Variants in ATP11B observed in about 807,000 individuals in gnomAD.
The protein encoded by ATP11B is ATPase phospholipid transporting 11B (putative).
Under a neutral mutation model 157.8 loss-of-function variants are expected in ATP11B, and 81 were observed. That is an observed-to-expected ratio of 0.51 (90% CI 0.43 to 0.62). The LOEUF is 0.62. Among genes scored for constraint, ATP11B ranks in the 20% least tolerant of loss-of-function variants. The pLI is 0.00. For missense variants in ATP11B, 1,165 were observed against 1,402.2 expected, an observed-to-expected ratio of 0.83 and a Z score of 2.70; for synonymous variants, 451 against 469.4, an observed-to-expected ratio of 0.96 and a Z score of 0.51.
chr3:182,917,024 C>T (rs1278470046), intron 29 of ATP11B: 1 of 985,156 alleles, frequency 1.0e-6, no homozygotes, highest in East Asian at 1.1e-4. Flanking sequence ...CAAGTCCTTC[C>T]CTAACCTAAG....
chr3:182,840,102 C>A (rs1043236579), intron 7 of ATP11B, among the ~76,000 whole-genome samples: 10 of 152,140 alleles, frequency 6.6e-5, no homozygotes, highest in African/African-American at 2.4e-4. Context: ...ATACTTGACT[C>A]CTTTCGTTGT....
intron 24 of ATP11B, 43 bp downstream of exon 24, chr3:182,887,756 A>G: frequency 1.3e-6 from 2 of 1,572,218 alleles, no homozygotes; most frequent in East Asian, 4.6e-5. Flanking sequence ...AGTTTTTTTA[A>G]GTAAAAAATA....
intron 1 of ATP11B, 58 bp downstream of exon 1, chr3:182,793,844 G>C (rs1296470370): frequency 1.7e-6 from 2 of 1,152,164 alleles, no homozygotes; most frequent in Non-Finnish European, 2.2e-6. Flanking sequence ...CTCTCGGCCC[G>C]GGGTGGCGGG....
At chr3:182,798,534 AC>A (rs1715776655) in intron 1 of ATP11B, among the ~76,000 whole-genome samples, 1 of 152,254 alleles carries the variant, frequency 6.6e-6, no homozygotes, top group Non-Finnish European at 1.5e-5. Flanking sequence ...ATTCTTAGAT[AC>A]GCAGTTTTGC....
Position 182,887,622 on chromosome 3 carries a change from A to C in ATP11B, c.2752A>C (p.Ile918Leu). 6.2e-7 allele frequency: 1 copy of C among 1,612,456 alleles called. No homozygotes were observed. Among genetic ancestry groups the C allele is most frequent in the Non-Finnish European group, 8.5e-7 (1 of 1,179,378 alleles). The stretch of plus-strand genomic sequence containing the variant: ...CAGCGTGTACCTGACTTTATACAAT[A>C]TTTGTTTTACTTCCCTACCTATTCT... ...YDSVYLTLYN[I>L]CFTSLPILIY... The change falls in exon 24 of 30, where the codon ATT becomes CTT. Residue 918 changes from isoleucine to leucine, a missense_variant. Physicochemically the swap from Ile to Leu is conservative, Grantham distance 5. This residue lies in a region of ATP11B where 737 missense variants were observed against 930.5 expected (regional missense o/e 0.79). Coordinates refer to ENST00000323116, the MANE Select transcript of ATP11B (RefSeq NM_014616.3).
At chr3:182,876,177 AG>A (rs1722027365) in intron 19 of ATP11B, among the ~76,000 whole-genome samples, 3 of 152,182 alleles carry the variant, frequency 2.0e-5, no homozygotes, top group Non-Finnish European at 2.9e-5. Flanking sequence ...CAGAAGTTCA[AG>A]GCTACAGTGA....
intron 1 of ATP11B, among the ~76,000 whole-genome samples, chr3:182,805,561 T>G (rs182357552): frequency 9.9e-4 from 150 of 152,014 alleles, no homozygotes; most frequent in Non-Finnish European, 1.8e-3. Flanking sequence ...TTGAAGTGAT[T>G]CTCCTGCCTC....
chr3:182,831,251 G>A lies in ATP11B; in HGVS notation c.315+1499G>A, dbSNP rs531066534. Among the ~76,000 whole-genome samples the A allele has an allele frequency of 2.6e-5, 4 of 152,092 alleles. No homozygotes were observed. The South Asian group carries it at 6.2e-4, about 24-fold the overall frequency. On this transcript the variant is annotated intron_variant, in intron 4 of 29. Transcript: ENST00000323116. The stretch of plus-strand genomic sequence containing the variant: ...TAAATGGCACTACCATCCAACCACC[G>A]CAAGCCTTGACATCATCATCCTTTG...
At chr3:182,825,269 T>C (rs1337893886) in intron 2 of ATP11B, among the ~76,000 whole-genome samples, 1 of 152,202 alleles carries the variant, frequency 6.6e-6, no homozygotes, top group Non-Finnish European at 1.5e-5. Context: ...TTTCATACAC[T>C]TTACCTTTGA....
intron 1 of ATP11B, among the ~76,000 whole-genome samples, chr3:182,812,259 C>A (rs528450731): frequency 6.6e-6 from 1 of 152,216 alleles, no homozygotes; most frequent in East Asian, 1.9e-4. Flanking sequence ...TGCTGATATA[C>A]CAAGGAGGAT....
chr3:182,817,083 TTGAA>T (rs1474312192), intron 1 of ATP11B, among the ~76,000 whole-genome samples: 1 of 152,090 alleles, frequency 6.6e-6, no homozygotes, highest in Non-Finnish European at 1.5e-5. Flanking sequence ...TATAATATGA[TTGAA>T]TGAGATTATG....
rs558975275 is a variant in ATP11B, at chr3:182,803,450, C to T, written c.27+9664C>T. ...GTTGTAAATATCTTCTAGTCTGTTC[C>T]GTGTATTTAATTTAGTTTATGGTAT... is the stretch of plus-strand genomic sequence containing the variant. On this transcript the variant is annotated intron_variant, in intron 1 of 29. Transcript: ENST00000323116. 4.6e-5 allele frequency among the ~76,000 whole-genome samples: 7 copies of T among 152,112 alleles called. No homozygotes were observed. The East Asian group carries it at 9.6e-4, about 21-fold the overall frequency.
At chr3:182,855,604 G>C (rs945791365) in intron 10 of ATP11B, among the ~76,000 whole-genome samples, 3 of 152,042 alleles carry the variant, frequency 2.0e-5, no homozygotes, top group African/African-American at 7.2e-5. Flanking sequence ...TACAGACTGG[G>C]GAAAAATACT....
chr3:182,829,793 T>G (rs1717991247), intron 4 of ATP11B, 41 bp downstream of exon 4: 3 of 1,479,128 alleles, frequency 2.0e-6, no homozygotes, highest in East Asian at 2.3e-5. Context: ...TCTAAGTCAT[T>G]TAGAAGTTGC....
chr3:182,886,544 G>A (rs1722803755), intron 23 of ATP11B, among the ~76,000 whole-genome samples: 1 of 152,130 alleles, frequency 6.6e-6, no homozygotes, highest in African/African-American at 2.4e-5. Flanking sequence ...GTTGTAATGG[G>A]CACAAGGTGG....
chr3:182,890,353 A>C (rs781130799), intron 25 of ATP11B, among the ~76,000 whole-genome samples: 10 of 152,210 alleles, frequency 6.6e-5, no homozygotes, highest in Admixed American at 1.3e-4. Context: ...ATACAGACAT[A>C]CAAATTTGCA....
chr3:182,815,955 G>C (rs527324154), intron 1 of ATP11B, among the ~76,000 whole-genome samples: 1 of 152,228 alleles, frequency 6.6e-6, no homozygotes, highest in Non-Finnish European at 1.5e-5. Flanking sequence ...AATTGATATA[G>C]CTGTTTGCTG....
intron 1 of ATP11B, among the ~76,000 whole-genome samples, chr3:182,798,650 A>G (rs953392479): frequency 1.3e-5 from 2 of 152,238 alleles, no homozygotes; most frequent in South Asian, 2.1e-4. Context: ...TATGATTACC[A>G]TTATTGTCAT....
At chr3:182,795,409 G>A (rs962466208) in intron 1 of ATP11B, among the ~76,000 whole-genome samples, 13 of 152,120 alleles carry the variant, frequency 8.5e-5, no homozygotes, top group Non-Finnish European at 1.8e-4. Context: ...GTATTTTTTA[G>A]CCAGAATAAA....
Sources: gnomAD v4.1 joint callset for allele counts (sites outside exome capture counted in the v4.1 genomes callset) on GRCh38, gnomAD v4.1.1 for gene constraint, gnomAD v4.1.1 regional missense constraint, MANE v1.5 for transcripts, NCBI Gene and HGNC (gene_info 2026-07-23, HGNC 2026-07-21) for gene names.